Variants in VGLL4 observed in about 807,000 individuals in gnomAD.
VGLL4 encodes transcription cofactor vestigial-like protein 4.
VGLL4 carries 7 observed loss-of-function variants against 21.0 expected under a neutral mutation model. The observed-to-expected ratio is 0.33, with a 90% CI of 0.19 to 0.63. The LOEUF is 0.63. VGLL4 is among the 20% of genes least tolerant of loss of function. The probability of loss-of-function intolerance (pLI) is 0.78; values close to 1 mark genes in which losing one functional copy is unlikely to be tolerated. For synonymous variants in VGLL4, 222 were observed against 173.2 expected (o/e 1.28, Z -2.21); for missense variants, 394 against 425.7 (o/e 0.93, Z 0.66).
At chr3:11,676,909 T>C (rs2076299284) in intron 2 of VGLL4, among the ~76,000 whole-genome samples, 1 of 152,206 alleles carries the variant, frequency 6.6e-6, no homozygotes, top group African/African-American at 2.4e-5. Flanking sequence ...GATCACTTTG[T>C]ATTTAATCTA....
intron 2 of VGLL4, among the ~76,000 whole-genome samples, chr3:11,690,097 A>T (rs1012971389): frequency 3.3e-5 from 5 of 150,306 alleles, no homozygotes; most frequent in African/African-American, 1.2e-4. Context: ...TTTCCTAAAT[A>T]TTACTCTAGG....
At position 11,693,746 on chromosome 3, in the gene VGLL4, C is replaced by T. The variant is rs375025090; in HGVS notation, c.64+9225G>A. ...TGAACGGGGGATGAAGGACTGTCCC[C>T]GAGCACACGCTACCACACGTCCTGA... is the stretch of plus-strand genomic sequence containing the variant. On this transcript the variant is annotated intron_variant, in intron 2 of 5. Coordinates refer to the VGLL4 transcript ENST00000273038. 3.3e-5 allele frequency among the ~76,000 whole-genome samples: 5 copies of T among 152,248 alleles called. No individual in the cohort carries two copies. In the East Asian group the frequency reaches 7.7e-4, roughly 24 times the overall value.
Position 11,605,740 on chromosome 3 carries a change from G to A in VGLL4, c.83-3718C>T, listed in dbSNP as rs747270972. Among the ~76,000 whole-genome samples, 55 of 152,184 alleles carry A rather than the reference G, an allele frequency of 3.6e-4. 1 individual carries two copies. The highest frequency in any genetic ancestry group is 6.9e-4 in the Non-Finnish European group (47 of 68,050). On this transcript the variant is annotated intron_variant, in intron 1 of 4. Transcript: ENST00000430365. ...TTCATTTAATAAACCTGACAGTGCAGAGCACAACTGACCTACTGAATCAAT... is the reference window on the plus strand; with the variant it reads ...TTCATTTAATAAACCTGACAGTGCAAAGCACAACTGACCTACTGAATCAAT...
intron 1 of VGLL4, chr3:11,610,406 C>A (rs1361230100): frequency 6.6e-6 from 1 of 152,200 alleles, no homozygotes; most frequent in African/African-American, 2.4e-5. Flanking sequence ...GCAATGCGAG[C>A]CGGCAGATAA....
At chr3:11,602,737 T>C (rs2074837968) in intron 1 of VGLL4, among the ~76,000 whole-genome samples, 1 of 152,220 alleles carries the variant, frequency 6.6e-6, no homozygotes. Context: ...TTCCATTTGA[T>C]TTGACATCTT....
At chr3:11,718,625 CTATT>C (rs1032874554) in intron 1 of VGLL4, among the ~76,000 whole-genome samples, 4 of 151,910 alleles carry the variant, frequency 2.6e-5, no homozygotes, top group Non-Finnish European at 4.4e-5. Flanking sequence ...TTGTCTTTGA[CTATT>C]TAGAGGAAAC....
chr3:11,709,306 A>G (rs1423881096), intron 1 of VGLL4, among the ~76,000 whole-genome samples: 4 of 150,070 alleles, frequency 2.7e-5, no homozygotes, highest in Non-Finnish European at 5.9e-5. Flanking sequence ...GCATGGTAGC[A>G]GGCACCTGTA....
At chr3:11,682,044 A>C (rs997122355) in intron 2 of VGLL4, among the ~76,000 whole-genome samples, 1 of 152,170 alleles carries the variant, frequency 6.6e-6, no homozygotes, top group Non-Finnish European at 1.5e-5. Flanking sequence ...GGATCACTTG[A>C]GGTCAGGAGT....
intron 2 of VGLL4, among the ~76,000 whole-genome samples, chr3:11,666,881 T>G (rs894652853): frequency 1.3e-5 from 2 of 152,186 alleles, no homozygotes; most frequent in African/African-American, 2.4e-5. Flanking sequence ...TCCCCTCCAC[T>G]CCGGTGTGCA....
intron 2 of VGLL4, among the ~76,000 whole-genome samples, chr3:11,677,555 A>G (rs1460691565): frequency 1.3e-5 from 2 of 152,148 alleles, no homozygotes; most frequent in Admixed American, 6.5e-5. Flanking sequence ...GACCACAGAC[A>G]TGAGCCACCG....
intron 2 of VGLL4, among the ~76,000 whole-genome samples, chr3:11,678,934 G>A (rs192911027): frequency 2.0e-5 from 3 of 152,150 alleles, no homozygotes; most frequent in Admixed American, 6.5e-5. Flanking sequence ...CATCATAGCC[G>A]TCATAATGTT....
At chr3:11,712,412 G>A (rs191572111) in intron 1 of VGLL4, among the ~76,000 whole-genome samples, 7 of 152,286 alleles carry the variant, frequency 4.6e-5, no homozygotes, top group Admixed American at 3.3e-4. Context: ...AAACTAAAGA[G>A]AGAAACAGAT....
intron 1 of VGLL4, chr3:11,703,153 T>C: frequency 7.4e-6 from 7 of 943,706 alleles, no homozygotes; most frequent in Non-Finnish European, 1.0e-5. Flanking sequence ...TGCAAATCAT[T>C]CTTCTAAGGA....
chr3:11,713,904 A>T (rs1474986227), intron 1 of VGLL4, among the ~76,000 whole-genome samples: 1 of 152,050 alleles, frequency 6.6e-6, no homozygotes, highest in Non-Finnish European at 1.5e-5. Context: ...CAACCACTCA[A>T]GGTTTCCTGA....
At chr3:11,684,521 C>T (rs902804369) in intron 2 of VGLL4, among the ~76,000 whole-genome samples, 10 of 152,230 alleles carry the variant, frequency 6.6e-5, no homozygotes, top group Admixed American at 6.5e-4. Context: ...GCTAGGACCA[C>T]AGGCATGCAC....
At chr3:11,675,977 T>C (rs1280223386) in intron 2 of VGLL4, among the ~76,000 whole-genome samples, 4 of 152,214 alleles carry the variant, frequency 2.6e-5, no homozygotes, top group Non-Finnish European at 1.5e-5. Context: ...ATTTACTTTA[T>C]CATGTTTTAT....
intron 2 of VGLL4, among the ~76,000 whole-genome samples, chr3:11,591,088 A>G (rs2074483547): frequency 6.6e-6 from 1 of 152,212 alleles, no homozygotes. Context: ...ATATGTGCCC[A>G]GAGCAGAAGC....
intron 2 of VGLL4, among the ~76,000 whole-genome samples, chr3:11,672,145 G>A (rs971272655): frequency 6.6e-6 from 1 of 152,200 alleles, no homozygotes; most frequent in Admixed American, 6.5e-5. Context: ...TGTACTTCCT[G>A]AAATTTTGTG....
intron 2 of VGLL4, among the ~76,000 whole-genome samples, chr3:11,575,498 G>A (rs554510705): frequency 6.6e-6 from 1 of 152,222 alleles, no homozygotes; most frequent in African/African-American, 2.4e-5. Context: ...CGAGGGCAAA[G>A]TGGGTCCCTC....
Sources: gnomAD v4.1 joint callset for allele counts (sites outside exome capture counted in the v4.1 genomes callset) on GRCh38, gnomAD v4.1.1 for gene constraint, MANE v1.5 for transcripts, NCBI Gene and HGNC (gene_info 2026-07-23, HGNC 2026-07-21) for gene names.